The following PTPRM variants were observed in gnomAD, a reference collection of about 807,000 sequenced individuals.
PTPRM encodes the protein protein tyrosine phosphatase receptor type M.
A neutral mutation model predicts 186.7 loss-of-function variants in PTPRM; 47 were observed. The observed-to-expected ratio is 0.25, with a 90% confidence interval of 0.20 to 0.32. The LOEUF (loss-of-function observed/expected upper bound fraction) is 0.32, where lower values mean the gene tolerates loss of function less well. Ranked by LOEUF, PTPRM falls within the 10% of genes least tolerant of loss-of-function variation. PTPRM has a pLI of 1.00. For synonymous variants in PTPRM, 668 were observed against 674.9 expected (o/e 0.99, Z 0.16); for missense variants, 1,494 against 1,865.0 (o/e 0.80, Z 3.66).
chr18:7,941,352 C>T (rs1196372540), intron 5 of PTPRM, among the ~76,000 whole-genome samples: 1 of 152,206 alleles, frequency 6.6e-6, no homozygotes, highest in Non-Finnish European at 1.5e-5. Context: ...ATTAATACAA[C>T]TGAAAATTGA....
chr18:8,131,591 A>T (rs545168570), intron 13 of PTPRM, among the ~76,000 whole-genome samples: 1 of 152,316 alleles, frequency 6.6e-6, no homozygotes, highest in South Asian at 2.1e-4. Context: ...TTAGATGAGG[A>T]TGCCTTTCTT....
chr18:7,880,179 T>G (rs2146273421), intron 2 of PTPRM, among the ~76,000 whole-genome samples: 1 of 152,230 alleles, frequency 6.6e-6, no homozygotes, highest in African/African-American at 2.4e-5. Flanking sequence ...GAACTACAAT[T>G]CAAGATGTAA....
intron 1 of PTPRM, among the ~76,000 whole-genome samples, chr18:7,625,171 A>G (rs2038031319): frequency 6.6e-6 from 1 of 152,220 alleles, no homozygotes; most frequent in African/African-American, 2.4e-5. Flanking sequence ...AAGAAAACAT[A>G]AAGGTCTTTT....
rs2095716283 is a variant in PTPRM, at chr18:8,379,286, C to A, written c.3732C>A (p.Phe1244Leu). Residue 1244 changes from phenylalanine to leucine, a missense_variant, in exon 28 of 33, where the codon TTC becomes TTA. By Grantham distance (22) the Phe-to-Leu change is conservative. Transcript: ENST00000580170. ...TGCCCCCAGACCGCTGCCTGCCCTT[C>A]CTCATCACCATCGATGGGGAGAGCA... ...DILPPDRCLP[F>L]LITIDGESSN... is the part of the protein sequence containing the mutation. The A allele has an allele frequency of 6.2e-7, 1 of 1,613,990 alleles. No homozygotes were observed. Among genetic ancestry groups the A allele is most frequent in the African/African-American group, 1.3e-5 (1 of 74,918 alleles).
At chr18:7,887,337 G>A (rs113002130) in intron 2 of PTPRM, among the ~76,000 whole-genome samples, 3,177 of 152,178 alleles carry the variant, frequency 0.021, 109 homozygotes, top group African/African-American at 0.071. Flanking sequence ...GGGCCATTGG[G>A]GTCAAGATCC....
At chr18:8,168,357 G>A (rs1288790598) in intron 14 of PTPRM, among the ~76,000 whole-genome samples, 1 of 151,940 alleles carries the variant, frequency 6.6e-6, no homozygotes, top group Non-Finnish European at 1.5e-5. Context: ...AAACTGGCAG[G>A]GCCTTATAAC....
At chr18:8,088,724 T>C (rs1399826074) in intron 10 of PTPRM, 25 bp from the exon 11 acceptor site, 1 of 1,531,490 alleles carries the variant, frequency 6.5e-7, no homozygotes, top group Non-Finnish European at 9.0e-7. Context: ...ATAATGAGTC[T>C]CCCATTCTAC....
At chr18:8,140,796 C>T (rs1445683808) in intron 13 of PTPRM, among the ~76,000 whole-genome samples, 1 of 152,042 alleles carries the variant, frequency 6.6e-6, no homozygotes, top group Non-Finnish European at 1.5e-5. Context: ...AGAGAAAATG[C>T]CTTTTAATAA....
intron 22 of PTPRM, among the ~76,000 whole-genome samples, chr18:8,340,139 G>A (rs1222450526): frequency 1.3e-5 from 2 of 152,228 alleles, no homozygotes; most frequent in Non-Finnish European, 2.9e-5. Flanking sequence ...GTGGCAGAAG[G>A]AACGGCCGCC....
At chr18:7,881,842 C>T (rs2048524664) in intron 2 of PTPRM, among the ~76,000 whole-genome samples, 1 of 152,200 alleles carries the variant, frequency 6.6e-6, no homozygotes, top group Admixed American at 6.5e-5. Context: ...TTTCCATTCA[C>T]CATGACCATG....
At chr18:8,240,533 GGAAGGAAGGAAGGAAGGAAA>G (rs2094407772) in intron 14 of PTPRM, among the ~76,000 whole-genome samples, 4 of 115,106 alleles carry the variant, frequency 3.5e-5, no homozygotes, top group South Asian at 3.4e-4. Context: ...AAGGAAGGAA[GGAAGGAAGGAAGGAAGGAAA>G]GAAGGAAAGA....
chr18:8,140,321 G>T (rs1254290425), intron 13 of PTPRM, among the ~76,000 whole-genome samples: 3 of 152,094 alleles, frequency 2.0e-5, no homozygotes, highest in Non-Finnish European at 4.4e-5. Context: ...CGTGTTCTCA[G>T]CCTGGCTTGC....
chr18:7,752,108 T>A (rs1478021265), intron 1 of PTPRM, among the ~76,000 whole-genome samples: 1 of 152,230 alleles, frequency 6.6e-6, no homozygotes, highest in Non-Finnish European at 1.5e-5. Flanking sequence ...TTCTTTTTCC[T>A]CCTGTTTCCC....
At chr18:7,797,948 C>A (rs1308511389) in intron 2 of PTPRM, among the ~76,000 whole-genome samples, 3 of 152,190 alleles carry the variant, frequency 2.0e-5, no homozygotes, top group African/African-American at 7.2e-5. Context: ...TCTGCCTTGA[C>A]TTCGGATGTC....
chr18:8,378,566 C>T (rs1455651042), intron 27 of PTPRM, 152 bp downstream of exon 27: 1 of 905,710 alleles, frequency 1.1e-6, no homozygotes, highest in Non-Finnish European at 1.6e-6. Context: ...GAGCTCTACC[C>T]AGGAGACGTC....
chr18:8,356,101 C>T (rs1257710221), intron 23 of PTPRM, among the ~76,000 whole-genome samples: 1 of 152,190 alleles, frequency 6.6e-6, no homozygotes, highest in Non-Finnish European at 1.5e-5. Context: ...TGGATGTTGA[C>T]AGACCAAATG....
chr18:8,017,760 T>G (rs1241256234), intron 7 of PTPRM: 1 of 152,022 alleles, frequency 6.6e-6, no homozygotes, highest in Non-Finnish European at 1.5e-5. Flanking sequence ...GTAGGTGATA[T>G]CACAAAGGCC....
intron 3 of PTPRM, among the ~76,000 whole-genome samples, chr18:7,901,344 G>A (rs956159402): frequency 6.6e-6 from 1 of 152,064 alleles, no homozygotes; most frequent in Non-Finnish European, 1.5e-5. Context: ...TGTTTAAGAT[G>A]ACCCTCATCC....
At chr18:7,633,886 C>T (rs533829319) in intron 1 of PTPRM, among the ~76,000 whole-genome samples, 18 of 152,206 alleles carry the variant, frequency 1.2e-4, no homozygotes, top group East Asian at 1.2e-3. Flanking sequence ...TCTTTGCTGG[C>T]GTGATTCTTC....
Sources: allele counts gnomAD v4.1 joint callset (sites outside exome capture counted in the v4.1 genomes callset), GRCh38; gene constraint gnomAD v4.1.1; transcripts MANE v1.5; gene names NCBI Gene and HGNC (gene_info 2026-07-23, HGNC 2026-07-21).